C4orf50: variants seen among roughly 807,000 people sequenced by gnomAD.
The protein encoded by C4orf50 is chromosome 4 open reading frame 50.
In C4orf50, 80 loss-of-function variants were observed where a neutral mutation model predicts 77.2. That is an observed-to-expected ratio of 1.04 (90% confidence interval 0.87 to 1.25). C4orf50 has a LOEUF of 1.25. Ranked by LOEUF, C4orf50 falls within the 50% of genes most tolerant of loss-of-function variation. The pLI, the probability that C4orf50 is intolerant of heterozygous loss-of-function variation, is 0.00. For synonymous variants in C4orf50, 532 were observed against 465.3 expected (o/e 1.14, Z -1.84); for missense variants, 1,257 against 1,152.9 (o/e 1.09, Z -1.31).
intron 25 of C4orf50, among the ~76,000 whole-genome samples, chr4:6,004,003 T>C (rs2108803877): frequency 6.9e-6 from 1 of 144,950 alleles, no homozygotes; most frequent in East Asian, 2.2e-4. Flanking sequence ...ATGATGGTGA[T>C]GGTGATGATG....
rs1478973461 is a variant in C4orf50, at chr4:6,008,121, A to C, written c.838T>G (p.Cys280Gly). ...GACAGCTTCAGCCCATAGATGCAGCAGCGCAGCTCCTCCAGCTGCCCGCGG... is the reference window on the plus strand; with the variant it reads ...GACAGCTTCAGCCCATAGATGCAGCCGCGCAGCTCCTCCAGCTGCCCGCGG... Residue 280 changes from cysteine to glycine, a missense_variant, in exon 25 of 34, where the codon TGC becomes GGC. By Grantham distance (159) the Cys-to-Gly change is radical (BLOSUM62 -3). Coordinates refer to ENST00000531445, the Ensembl canonical transcript of C4orf50. The surrounding 1 kb of genome is among the most constrained non-coding windows in gnomAD (Gnocchi z 6.0). 2.5e-6 allele frequency: 1 copy of C among 399,008 alleles called. No individual in the cohort carries two copies. Among genetic ancestry groups the C allele is most frequent in the East Asian group, 3.6e-5 (1 of 28,060 alleles). The allele number at this position is 399,008 out of a possible 1,614,324, so 24.7% of individuals were successfully genotyped here.
chr4:5,902,189 C>T (rs533060517), intron 7 of C4orf50: 26 of 152,278 alleles, frequency 1.7e-4, no homozygotes, highest in African/African-American at 3.4e-4. Flanking sequence ...GAAAACATGC[C>T]GTCTTTTTAA....
At chr4:5,956,001 A>T (rs532857460), downstream of C4orf50, among the ~76,000 whole-genome samples, 15 of 152,316 alleles carry the variant, frequency 9.8e-5, no homozygotes, top group South Asian at 2.9e-3. Context: ...GACAAATGTT[A>T]ACCTCCTCTG....
In C4orf50 at chr4:5,973,722, G is replaced by A. The variant is rs114966098; in HGVS notation, c.4041C>T (p.Asn1347=). The change falls in exon 31 of 34, where the codon AAC becomes AAT. Residue 1347 remains asparagine, a synonymous_variant. Transcript: ENST00000531445. ...CAGCCAGTGCCACGTCGTTGAGCAT[G>A]TTCTGCGCCAGCTCGGAGAGCAGGA... 1.9e-5 allele frequency: 30 copies of A among 1,613,934 alleles called. No homozygotes were observed. In the East Asian group the frequency reaches 6.2e-4, roughly 34 times the overall value.
intron 32 of C4orf50, among the ~76,000 whole-genome samples, chr4:5,966,190 A>G (rs1377090762): frequency 6.6e-6 from 1 of 152,216 alleles, no homozygotes; most frequent in African/African-American, 2.4e-5. Flanking sequence ...TAATAATAAA[A>G]GTAGGCCGGG....
intron 23 of C4orf50, among the ~76,000 whole-genome samples, chr4:6,013,107 TA>T (rs772917966): frequency 1.4e-4 from 22 of 152,252 alleles, no homozygotes; most frequent in Non-Finnish European, 2.5e-4. Context: ...TAGAGGTCAT[TA>T]ACCTTGTTCA....
intron 32 of C4orf50, among the ~76,000 whole-genome samples, chr4:5,966,293 T>G (rs1410960528): frequency 6.6e-6 from 1 of 151,928 alleles, no homozygotes; most frequent in Admixed American, 6.6e-5. Flanking sequence ...CTGGCCAACA[T>G]GGAGAAACCC....
At chr4:5,903,508 G>A (rs905572078) in intron 7 of C4orf50, 7 of 152,156 alleles carry the variant, frequency 4.6e-5, no homozygotes, top group Middle Eastern at 3.2e-3. Flanking sequence ...CATGAACCTC[G>A]AAAACATTGT....
intron 25 of C4orf50, among the ~76,000 whole-genome samples, chr4:5,995,216 G>A (rs67044318): frequency 0.18 from 27,604 of 151,946 alleles, 2,724 homozygotes; most frequent in African/African-American, 0.22. Context: ...AGGGCACCCT[G>A]GAAGAAGGTA....
At position 6,011,772 on chromosome 4, in the gene C4orf50, A is replaced by C; in HGVS notation, c.426+58T>G. The C allele has an allele frequency of 2.5e-6, 1 of 398,992 alleles. No homozygotes were observed. The allele number at this position is 398,992 out of a possible 1,614,324, so 24.7% of individuals were successfully genotyped here. On this transcript the variant is annotated intron_variant, in intron 24 of 33. Coordinates refer to ENST00000531445, the Ensembl canonical transcript of C4orf50. This position sits in a 1 kb window ranked among gnomAD's most constrained non-coding sequence, Gnocchi z 4.2. ...CTTTGCCCAACTGCAGCTGCTGCTGAGTTCCCACGGCTCTGCTGGACAGGA... is the reference window on the plus strand; with the variant it reads ...CTTTGCCCAACTGCAGCTGCTGCTGCGTTCCCACGGCTCTGCTGGACAGGA...
chr4:5,915,066 G>A (rs751522275), intron 7 of C4orf50, among the ~76,000 whole-genome samples: 9 of 152,140 alleles, frequency 5.9e-5, no homozygotes, highest in Non-Finnish European at 8.8e-5. Context: ...GACAGGCACC[G>A]CAAATGTCTC....
chr4:5,964,888 T>C, intron 33 of C4orf50, 136 bp downstream of exon 11: 1 of 656,916 alleles, frequency 1.5e-6, no homozygotes, highest in Non-Finnish European at 2.5e-6. Flanking sequence ...TGTTCGGGAG[T>C]CGATTGTGTT....
exon 28 of C4orf50, chr4:5,989,828 G>A: frequency 2.0e-6 from 3 of 1,477,358 alleles, no homozygotes; most frequent in East Asian, 2.5e-5. Flanking sequence ...CTGCACCCCA[G>A]ACCGGATGCT....
intron 25 of C4orf50, among the ~76,000 whole-genome samples, chr4:5,999,802 C>T (rs529423645): frequency 6.6e-6 from 1 of 152,270 alleles, no homozygotes; most frequent in African/African-American, 2.4e-5. Context: ...GGGAAGTCTT[C>T]CAGAGAAAGC....
At chr4:5,942,317 G>T (rs1299182366) in intron 7 of C4orf50, among the ~76,000 whole-genome samples, 1 of 152,174 alleles carries the variant, frequency 6.6e-6, no homozygotes, top group Non-Finnish European at 1.5e-5. Context: ...GGGCTTGGGG[G>T]TCATACAGGA....
rs1436645653 is a variant in C4orf50 at position 5,932,515 on chromosome 4, A to T, written c.*2474+24386T>A. Among the ~76,000 whole-genome samples, 2 of 152,216 alleles carry T rather than the reference A, an allele frequency of 1.3e-5. No homozygotes were observed. The highest frequency in any genetic ancestry group is 2.9e-5 in the Non-Finnish European group (2 of 68,048). On this transcript the variant is annotated intron_variant, in intron 7 of 7. Coordinates refer to the C4orf50 transcript ENST00000324058. The surrounding 1 kb of genome is among the most constrained non-coding windows in gnomAD (Gnocchi z 4.2). ...CCGTGGCTCCATCACAGTTCACTGC[A>T]GCCTCGACCTCCCAGGCTCAATTGA...
At chr4:5,975,777 C>T in intron 30 of C4orf50, 122 bp downstream of exon 8, 1 of 747,086 alleles carries the variant, frequency 1.3e-6, no homozygotes, top group East Asian at 2.7e-5. Context: ...GTGTGAGCCA[C>T]CGTGCCTGGC....
rs191438491 is a variant in C4orf50 at position 5,908,550 on chromosome 4, A to G, written c.*2475-10362T>C. On this transcript the variant is annotated intron_variant, in intron 7 of 7. Transcript: ENST00000324058. The surrounding 1 kb of genome is among the most constrained non-coding windows in gnomAD (Gnocchi z 5.6). ...GCAGACAATGGCAGAGACTCCAAGC[A>G]GGGAGACGACCATGCGATGGGGAGG... Among the ~76,000 whole-genome samples, 1 of 152,190 alleles carries G rather than the reference A, an allele frequency of 6.6e-6. No homozygotes were observed. Among genetic ancestry groups the G allele is most frequent in the Admixed American group, 6.5e-5 (1 of 15,294 alleles).
rs1028386929 is a variant in C4orf50 at position 6,007,904 on chromosome 4, C to T, written c.963+92G>A. 6.8e-5 allele frequency: 27 copies of T among 398,364 alleles called. No homozygotes were observed. In the Admixed American group the frequency reaches 9.7e-4, roughly 14 times the overall value. 24.7% of individuals were successfully genotyped at this position (398,364 alleles called of 1,614,324 possible). ...TTAAACGGCTGTAGGAAGAGGAGCC[C>T]GGGGAATGGATGGGCCAATGACTTC... On this transcript the variant is annotated intron_variant, in intron 25 of 33. Coordinates refer to ENST00000531445, the Ensembl canonical transcript of C4orf50. The surrounding 1 kb of genome is among the most constrained non-coding windows in gnomAD (Gnocchi z 4.1).
Sources: gnomAD v4.1 joint callset for allele counts (sites outside exome capture counted in the v4.1 genomes callset) on GRCh38, gnomAD v4.1.1 for gene constraint, Gnocchi (gnomAD v3.1) non-coding constraint, MANE v1.5 for transcripts, NCBI Gene and HGNC (gene_info 2026-07-23, HGNC 2026-07-21) for gene names.